PPFIA4: variants seen among roughly 807,000 people sequenced by gnomAD.
PPFIA4 encodes the protein liprin-alpha-4.
Under a neutral mutation model 145.7 loss-of-function variants are expected in PPFIA4, and 98 were observed. The observed-to-expected ratio is 0.67, with a 90% confidence interval of 0.57 to 0.80. PPFIA4 has a LOEUF of 0.80. Ranked by LOEUF, PPFIA4 falls within the 30% of genes least tolerant of loss-of-function variation. PPFIA4 has a pLI of 0.00. For missense variants in PPFIA4, 1,457 were observed against 1,632.7 expected, an observed-to-expected ratio of 0.89 and a Z score of 1.85; for synonymous variants, 628 against 649.6, an observed-to-expected ratio of 0.97 and a Z score of 0.51.
chr1:203,038,969 C>G lies in PPFIA4; in HGVS notation c.-40C>G, dbSNP rs1012557740. Reference sequence around the variant, plus strand: ...GAGGTGCCAACCCTGTGAGTCCCTCCCTGTCCCCTGACGCTGAGAAGGCCC... The same window carrying G: ...GAGGTGCCAACCCTGTGAGTCCCTCGCTGTCCCCTGACGCTGAGAAGGCCC... On this transcript the variant is annotated 5_prime_UTR_variant, in exon 2 of 30. Coordinates refer to ENST00000295706, the MANE Select transcript of PPFIA4 (RefSeq NM_001304331.2). 6.0e-6 allele frequency: 7 copies of G among 1,162,450 alleles called. No homozygotes were observed. Among genetic ancestry groups the G allele is most frequent in the Non-Finnish European group, 8.6e-6 (7 of 818,420 alleles). The allele number at this position is 1,162,450 out of a possible 1,614,324, so 72.0% of individuals were successfully genotyped here. A position where few individuals can be genotyped will look rare whatever the true frequency, so the allele number is the denominator to read the frequency against.
chr1:203,069,087 AG>A (rs1661948286), intron 27 of PPFIA4, among the ~76,000 whole-genome samples: 1 of 152,192 alleles, frequency 6.6e-6, no homozygotes, highest in Non-Finnish European at 1.5e-5. Flanking sequence ...GCCTTAAAAA[AG>A]CTAAATATAC....
At chr1:203,050,775 A>G (rs151273643) in intron 13 of PPFIA4, among the ~76,000 whole-genome samples, 1,683 of 152,230 alleles carry the variant, frequency 0.011, 29 homozygotes, top group African/African-American at 0.039. Flanking sequence ...GACAGGCAAC[A>G]GTAGTTGGCA....
Position 203,055,672 on chromosome 1 carries a change from G to A in PPFIA4, c.2070G>A (p.Leu690=). The change falls in exon 16 of 30, where the codon CTG becomes CTA. Residue 690 remains leucine (L), a splice_region_variant and synonymous_variant. Coordinates refer to ENST00000295706, the MANE Select transcript of PPFIA4 (RefSeq NM_001304331.2). The surrounding 1 kb of genome is among the most constrained non-coding windows in gnomAD (Gnocchi z 4.8). The part of the protein sequence containing the change: ...QDLDRMGVMT[L]PSDLRKHRRK... ...TGGACCGAATGGGGGTCATGACCCT[G>A]GTGAGAGGCAGCTGAGGAGCAGGCC... The A allele has an allele frequency of 6.2e-7, 1 of 1,613,622 alleles. No individual in the cohort carries two copies. Among genetic ancestry groups the A allele is most frequent in the Non-Finnish European group, 8.5e-7 (1 of 1,179,624 alleles).
Position 203,078,291 on chromosome 1 carries a change from T to G in PPFIA4, c.*1901T>G, listed in dbSNP as rs1458810945. On this transcript the variant is annotated 3_prime_UTR_variant, in exon 30 of 30. Coordinates refer to ENST00000295706, the MANE Select transcript of PPFIA4 (RefSeq NM_001304331.2). ...GTAAGATGATGGAGATTCCTAAGAT[T>G]GGTGGAGTTGGGCAATGCATAGCCA... 6.6e-6 allele frequency: 1 copy of G among 152,244 alleles called. No homozygotes were observed. Among genetic ancestry groups the G allele is most frequent in the Non-Finnish European group, 1.5e-5 (1 of 68,066 alleles). The allele number at this position is 152,244 out of a possible 1,614,324, so 9.4% of individuals were successfully genotyped here.
chr1:203,050,369 C>A (rs897802154), intron 13 of PPFIA4, among the ~76,000 whole-genome samples: 2 of 152,156 alleles, frequency 1.3e-5, no homozygotes, highest in African/African-American at 4.8e-5. Context: ...TTTTGTGGAG[C>A]GATGGGTATT....
Position 203,056,424 on chromosome 1 carries a change from G to GTGAGA in PPFIA4, c.2157_2161dup (p.Thr721MetfsTer14). On this transcript the variant is annotated frameshift_variant, in exon 18 of 30. Coordinates refer to ENST00000295706, the MANE Select transcript of PPFIA4 (RefSeq NM_001304331.2). LOFTEE classifies it high-confidence loss of function. ...CGAGAGGATAAAGCCACCATAAAAT[G>GTGAGA]TGAGACTTCTCCTCCTTCCTCACCC... The GTGAGA allele has an allele frequency of 6.2e-7, 1 of 1,614,016 alleles. No homozygotes were observed. The highest frequency in any genetic ancestry group is 8.5e-7 in the Non-Finnish European group (1 of 1,179,888).
At chr1:203,029,517 A>G (rs2102601015) in intron 1 of PPFIA4, among the ~76,000 whole-genome samples, 1 of 152,362 alleles carries the variant, frequency 6.6e-6, no homozygotes, top group Non-Finnish European at 1.5e-5. Flanking sequence ...TGTTCTCTCA[A>G]GTAGCCTGTG....
At position 203,060,473 on chromosome 1, in the gene PPFIA4, CA is replaced by C; in HGVS notation, c.2784+58del. On this transcript the variant is annotated intron_variant, in intron 22 of 29. Transcript: ENST00000295706. The surrounding 1 kb of genome is among the most constrained non-coding windows in gnomAD (Gnocchi z 4.8). ...TTCAGAGGTCCTGGAACATAGTTTGCAAGGTCTCCTGTTGGGCTTTGGGAAG... is the reference window on the plus strand; with the variant it reads ...TTCAGAGGTCCTGGAACATAGTTTGCAGGTCTCCTGTTGGGCTTTGGGAAG... 1 of 1,573,008 alleles carries C rather than the reference CA, an allele frequency of 6.4e-7. No individual in the cohort carries two copies. The highest frequency in any genetic ancestry group is 8.7e-7 in the Non-Finnish European group (1 of 1,153,302).
At position 203,053,904 on chromosome 1, in the gene PPFIA4, C is replaced by G; in HGVS notation, c.1772C>G (p.Ala591Gly). Reference protein sequence around the residue: ...DVVSPSGHSDAQTLAMMLQEQ... With the variant: ...DVVSPSGHSDGQTLAMMLQEQ... ...GTCTCCCCCAGCGGCCACTCAGATG[C>G]CCAGACCCTGGCCATGATGCTGCAG... Residue 591 changes from alanine (A) to glycine (G), a missense_variant, in exon 15 of 30, where the codon GCC becomes GGC. By Grantham distance (60) the Ala-to-Gly change is moderately conservative. Coordinates refer to ENST00000295706, the MANE Select transcript of PPFIA4 (RefSeq NM_001304331.2). 1 of 1,566,624 alleles carries G rather than the reference C, an allele frequency of 6.4e-7. No homozygotes were observed. Among genetic ancestry groups the G allele is most frequent in the Non-Finnish European group, 8.7e-7 (1 of 1,155,210 alleles).
intron 28 of PPFIA4, among the ~76,000 whole-genome samples, chr1:203,072,598 C>T (rs908445007): frequency 1.3e-5 from 2 of 152,172 alleles, no homozygotes; most frequent in African/African-American, 4.8e-5. Flanking sequence ...GTCAGGTCTG[C>T]GCTAGTTGAT....
chr1:203,044,865 A>G (rs1454086396), intron 6 of PPFIA4, 80 bp downstream of exon 6: 36 of 1,149,308 alleles, frequency 3.1e-5, no homozygotes, highest in Non-Finnish European at 4.5e-5. Flanking sequence ...GCCTTAGTTC[A>G]GTAGACTAAC....
chr1:203,062,557 G>A (rs1229398768), intron 24 of PPFIA4, among the ~76,000 whole-genome samples: 5 of 107,310 alleles, frequency 4.7e-5, no homozygotes, highest in Admixed American at 8.7e-5. Context: ...ATAGTGATGC[G>A]AGCTGTGAAG....
intron 1 of PPFIA4, chr1:203,035,636 G>A (rs766788707): frequency 4.4e-6 from 2 of 456,632 alleles, no homozygotes; most frequent in Non-Finnish European, 8.8e-6. Context: ...TCTGAATCAG[G>A]ACCTGTGAGT....
At chr1:203,032,430 T>TTTTTTTTTTTTTGTTGTTG (rs57892403) in intron 1 of PPFIA4, among the ~76,000 whole-genome samples, 3 of 139,380 alleles carry the variant, frequency 2.2e-5, no homozygotes, top group African/African-American at 2.7e-5. Context: ...TCCCCGCTTT[T>TTTTTTTTTTTTTGTTGTTG]TTGTTGTTGT....
At chr1:203,030,177 TAATC>T (rs1311709397) in intron 1 of PPFIA4, among the ~76,000 whole-genome samples, 1 of 152,090 alleles carries the variant, frequency 6.6e-6, no homozygotes, top group Non-Finnish European at 1.5e-5. Context: ...TCCTGAAGGA[TAATC>T]AAGTCAAGAC....
In PPFIA4 at chr1:203,045,555, G is replaced by T. The variant is rs753719920; in HGVS notation, c.854G>T (p.Arg285Leu). 2 of 1,585,592 alleles carry T rather than the reference G, an allele frequency of 1.3e-6. No individual in the cohort carries two copies. The highest frequency in any genetic ancestry group is 1.7e-6 in the Non-Finnish European group (2 of 1,166,890). The stretch of plus-strand genomic sequence containing the variant: ...AGCAGCAAGCATCAGCGGGACCTCC[G>T]GGAGGTGCGTGAGGGCGCAGGCCTG... ...ELSSKHQRDLREALAQKEDME... is the reference protein window; with the variant it reads ...ELSSKHQRDLLEALAQKEDME... Residue 285 changes from arginine to leucine, a missense_variant, in exon 7 of 30, where the codon CGG becomes CTG. This residue lies in a region of PPFIA4 where 463 missense variants were observed against 459.8 expected (regional missense o/e 1.01). Transcript: ENST00000295706.
At chr1:203,045,336 G>T in intron 6 of PPFIA4, 32 bp from the exon 7 acceptor site, 1 of 1,518,164 alleles carries the variant, frequency 6.6e-7, no homozygotes, top group South Asian at 1.3e-5. Flanking sequence ...ATGCTGCTGT[G>T]ACTCACAGAG....
At position 203,072,842 on chromosome 1, in the gene PPFIA4, AT is replaced by A. The variant is rs375542659; in HGVS notation, c.3393+1090del. ...GAGAAAAGAATAGACTTATATATGT[AT>A]TTTTTTTGGTTATTTAGATACTTTA... is the stretch of plus-strand genomic sequence containing the variant. On this transcript the variant is annotated intron_variant, in intron 28 of 29. Coordinates refer to ENST00000295706, the MANE Select transcript of PPFIA4 (RefSeq NM_001304331.2). Among the ~76,000 whole-genome samples, 204 of 151,888 alleles carry A rather than the reference AT, an allele frequency of 1.3e-3. 3 individuals are homozygous for A. In the East Asian group the frequency reaches 0.036, roughly 27 times the overall value.
chr1:203,045,978 G>T lies in PPFIA4; in HGVS notation c.996G>T (p.Leu332=). The part of the protein sequence containing the change: ...LENELANKES[L]HRQCEEKARH... Reference sequence around the variant, plus strand: ...ATGAGCTGGCCAACAAGGAGTCCCTGCACCGCCAGGTACCTCCTCAGGGTG... The same window carrying T: ...ATGAGCTGGCCAACAAGGAGTCCCTTCACCGCCAGGTACCTCCTCAGGGTG... Residue 332 remains leucine, a synonymous_variant, in exon 8 of 30, where the codon CTG becomes CTT. Coordinates refer to ENST00000295706, the MANE Select transcript of PPFIA4 (RefSeq NM_001304331.2). 2 of 1,612,632 alleles carry T rather than the reference G, an allele frequency of 1.2e-6. No homozygotes were observed. The highest frequency in any genetic ancestry group is 1.7e-4 in the Middle Eastern group (1 of 5,984).
Sources: gnomAD v4.1 joint callset for allele counts (sites outside exome capture counted in the v4.1 genomes callset) on GRCh38, gnomAD v4.1.1 for gene constraint, gnomAD v4.1.1 regional missense constraint, Gnocchi (gnomAD v3.1) non-coding constraint, MANE v1.5 for transcripts, NCBI Gene and HGNC (gene_info 2026-07-23, HGNC 2026-07-21) for gene names.